PCDHGA9: variants seen among roughly 807,000 people sequenced by gnomAD.
The protein encoded by PCDHGA9 is protocadherin gamma subfamily A, 9, also known as protocadherin gamma-A9.
Under a neutral mutation model 62.5 loss-of-function variants are expected in PCDHGA9, and 37 were observed. That is an observed-to-expected ratio of 0.59 (90% confidence interval 0.46 to 0.78). The LOEUF (loss-of-function observed/expected upper bound fraction) is 0.78, where lower values mean the gene tolerates loss of function less well. Ranked by LOEUF, PCDHGA9 falls within the 30% of genes least tolerant of loss-of-function variation. The pLI is 0.00. For synonymous variants in PCDHGA9, 459 were observed against 484.6 expected, an observed-to-expected ratio of 0.95 and a Z score of 0.69; for missense variants, 1,138 against 1,166.2, an observed-to-expected ratio of 0.98 and a Z score of 0.35.
chr5:141,422,398 C>T lies in PCDHGA9; in HGVS notation c.2424+17022C>T, dbSNP rs2096646163. On this transcript the variant is annotated intron_variant, in intron 1 of 3. Transcript: ENST00000573521. Reference sequence around the variant, plus strand: ...AGTCTCCTGTTTTATTCCTAACCACCTGCCTTTTAAATTAGAAAAGACTTA... The same window carrying T: ...AGTCTCCTGTTTTATTCCTAACCACTTGCCTTTTAAATTAGAAAAGACTTA... The T allele has an allele frequency of 1.9e-6, 3 of 1,597,634 alleles. No individual in the cohort carries two copies. In the Admixed American group the frequency reaches 5.3e-5, roughly 28 times the overall value.
chr5:141,463,438 CTTTTTTT>C (rs71576115), intron 1 of PCDHGA9, among the ~76,000 whole-genome samples: 1 of 103,252 alleles, frequency 9.7e-6, no homozygotes, highest in Non-Finnish European at 1.9e-5. Flanking sequence ...TTTCCTTCTC[CTTTTTTT>C]TTTTTTTTTT....
chr5:141,471,658 G>T (rs1354815239), intron 1 of PCDHGA9: 1 of 152,106 alleles, frequency 6.6e-6, no homozygotes, highest in Admixed American at 6.5e-5. Flanking sequence ...ATGTGGGGAT[G>T]CAGAAAAAAA....
At chr5:141,421,718 G>C (rs778263773) in intron 1 of PCDHGA9, 1 of 1,613,966 alleles carries the variant, frequency 6.2e-7, no homozygotes, top group Middle Eastern at 1.7e-4. Context: ...CCAGATGTGG[G>C]CGTGAACTCC....
At chr5:141,419,922 T>C (rs761868361) in intron 1 of PCDHGA9, 1 of 1,614,090 alleles carries the variant, frequency 6.2e-7, no homozygotes, top group South Asian at 1.1e-5. Flanking sequence ...CAGGCTGAGA[T>C]GCAGTTTTAC....
At chr5:141,478,449 C>A in intron 1 of PCDHGA9, 1 of 1,613,540 alleles carries the variant, frequency 6.2e-7, no homozygotes. Context: ...AAACCTGGTG[C>A]AGCCAGTCCA....
chr5:141,474,772 G>A (rs1053853138), intron 1 of PCDHGA9, among the ~76,000 whole-genome samples: 2 of 152,182 alleles, frequency 1.3e-5, no homozygotes, highest in Non-Finnish European at 2.9e-5. Flanking sequence ...AATAGTATGA[G>A]GCTCTAACAC....
intron 1 of PCDHGA9, chr5:141,409,794 C>T (rs1345529657): frequency 1.9e-6 from 3 of 1,611,732 alleles, no homozygotes; most frequent in South Asian, 1.1e-5. Flanking sequence ...TTCGCGCTCA[C>T]GCTGCAGGCC....
intron 2 of PCDHGA9, among the ~76,000 whole-genome samples, chr5:141,502,723 G>C (rs771399677): frequency 3.9e-5 from 6 of 152,124 alleles, no homozygotes; most frequent in Non-Finnish European, 8.8e-5. Flanking sequence ...TGATTACAAA[G>C]CGGTGATGTT....
intron 1 of PCDHGA9, chr5:141,426,778 C>A (rs780981970): frequency 2.2e-6 from 1 of 456,716 alleles, no homozygotes; most frequent in South Asian, 1.5e-5. Context: ...GGGCCTCACT[C>A]TCTCCAGAGT....
At chr5:141,449,266 G>T (rs1398403120) in intron 1 of PCDHGA9, among the ~76,000 whole-genome samples, 1 of 152,042 alleles carries the variant, frequency 6.6e-6, no homozygotes, top group Non-Finnish European at 1.5e-5. Context: ...ACAAAGAACT[G>T]TATCTCCTTC....
At chr5:141,500,618 C>A (rs554274946) in intron 2 of PCDHGA9, among the ~76,000 whole-genome samples, 27 of 152,260 alleles carry the variant, frequency 1.8e-4, no homozygotes, top group African/African-American at 6.5e-4. Context: ...CCCAGTCATA[C>A]GGTACATTTC....
Position 141,487,315 on chromosome 5 carries a change from G to T in PCDHGA9, c.2425-7492G>T, listed in dbSNP as rs568326280. 11 of 1,614,166 alleles carry T rather than the reference G, an allele frequency of 6.8e-6. No individual in the cohort carries two copies. In the South Asian group the frequency reaches 1.2e-4, roughly 18 times the overall value. ...GCTCATTCGTGGCACTACTCTCTAA[G>T]TGTCTTCGTGGGGCAGCCTGTGGAG... On this transcript the variant is annotated intron_variant, in intron 1 of 3. Transcript: ENST00000573521. The surrounding 1 kb of genome is among the most constrained non-coding windows in gnomAD (Gnocchi z 5.0).
rs1452697214 is a variant in PCDHGA9, at chr5:141,476,552, G to A, written c.2425-18255G>A. ...CCAGGAAATGAAATTGGAGATTAGCGAGGCCGTGGCTCCGGGGACGCGCTT... is the reference window on the plus strand; with the variant it reads ...CCAGGAAATGAAATTGGAGATTAGCAAGGCCGTGGCTCCGGGGACGCGCTT... On this transcript the variant is annotated intron_variant, in intron 1 of 3. Transcript: ENST00000573521. The surrounding 1 kb of genome is among the most constrained non-coding windows in gnomAD (Gnocchi z 7.6). 1 of 1,614,210 alleles carries A rather than the reference G, an allele frequency of 6.2e-7. No homozygotes were observed. Among genetic ancestry groups the A allele is most frequent in the Non-Finnish European group, 8.5e-7 (1 of 1,180,032 alleles).
chr5:141,468,230 TAGG>T (rs1451844939), intron 1 of PCDHGA9, among the ~76,000 whole-genome samples: 9 of 141,220 alleles, frequency 6.4e-5, no homozygotes, highest in South Asian at 2.2e-4. Context: ...GAGGATGAGG[TAGG>T]AGAATTGCCT....
chr5:141,422,853 C>T (rs746989617), intron 1 of PCDHGA9: 8 of 1,614,264 alleles, frequency 5.0e-6, no homozygotes, highest in South Asian at 3.3e-5. Flanking sequence ...GGGACCCGCC[C>T]CTCAGCAGCA....
intron 1 of PCDHGA9, chr5:141,428,329 A>G (rs928788851): frequency 4.8e-6 from 3 of 627,180 alleles, no homozygotes; most frequent in South Asian, 3.5e-5. Context: ...CTTGATTTCT[A>G]TGCTCTTCTT....
At position 141,491,065 on chromosome 5, in the gene PCDHGA9, C is replaced by T; in HGVS notation, c.2425-3742C>T. On this transcript the variant is annotated intron_variant, in intron 1 of 3. Transcript: ENST00000573521. This position sits in a 1 kb window ranked among gnomAD's most constrained non-coding sequence, Gnocchi z 6.9. ...CCACAATGCGTGGCTCTCCTACTCA[C>T]TGTTGCCACAGTCCACAGCCCCAGG... 4 of 1,614,210 alleles carry T rather than the reference C, an allele frequency of 2.5e-6. No individual in the cohort carries two copies. Among genetic ancestry groups the T allele is most frequent in the Admixed American group, 1.7e-5 (1 of 60,030 alleles).
At chr5:141,410,818 T>G in intron 1 of PCDHGA9, 2 of 556,016 alleles carry the variant, frequency 3.6e-6, no homozygotes, top group Non-Finnish European at 5.8e-6. Context: ...TGTAAAATAA[T>G]GTCACCAGAC....
chr5:141,408,985 G>A, intron 1 of PCDHGA9: 1 of 1,613,966 alleles, frequency 6.2e-7, no homozygotes, highest in South Asian at 1.1e-5. Context: ...GGTCCCCTGT[G>A]TTGCAAGTGA....
Sources: gnomAD v4.1 joint callset for allele counts (sites outside exome capture counted in the v4.1 genomes callset) on GRCh38, gnomAD v4.1.1 for gene constraint, Gnocchi (gnomAD v3.1) non-coding constraint, MANE v1.5 for transcripts, NCBI Gene and HGNC (gene_info 2026-07-23, HGNC 2026-07-21) for gene names.